Variants in EVC2 observed in about 807,000 individuals in gnomAD.
EVC2 encodes the protein EvC ciliary complex subunit 2.
Under a neutral mutation model 149.3 loss-of-function variants are expected in EVC2, and 148 were observed. The ratio of observed to expected loss-of-function variants is 0.99; its 90% CI spans 0.87 to 1.14. EVC2 has a LOEUF of 1.14. Ranked by LOEUF, EVC2 falls within the 50% of genes most tolerant of loss-of-function variation. EVC2 has a pLI of 0.00. For missense variants in EVC2, 1,854 were observed against 1,627.3 expected (o/e 1.14, Z -2.40); for synonymous variants, 776 against 649.9 (o/e 1.19, Z -2.95).
chr4:5,576,512 A>T lies in EVC2; in HGVS notation c.3058-58T>A. The T allele has an allele frequency of 6.5e-7, 1 of 1,538,886 alleles. No individual in the cohort carries two copies. Among genetic ancestry groups the T allele is most frequent in the South Asian group, 1.2e-5 (1 of 84,342 alleles). On this transcript the variant is annotated intron_variant, in intron 17 of 21. Coordinates refer to ENST00000344408, the MANE Select transcript of EVC2 (RefSeq NM_147127.5). This position sits in a 1 kb window ranked among gnomAD's most constrained non-coding sequence, Gnocchi z 4.5. ...CTGCACAAGGCGGGTGGGGTGGAGG[A>T]CAAAATCTGACCTCCTGGGTGTCTT...
At chr4:5,674,199 A>G (rs1252691399) in intron 7 of EVC2, among the ~76,000 whole-genome samples, 1 of 152,176 alleles carries the variant, frequency 6.6e-6, no homozygotes, top group Non-Finnish European at 1.5e-5. Flanking sequence ...CCAGCTGACA[A>G]TTGGGGCAAG....
chr4:5,643,410 C>G (rs909946162), intron 9 of EVC2, among the ~76,000 whole-genome samples: 1 of 152,158 alleles, frequency 6.6e-6, no homozygotes, highest in Non-Finnish European at 1.5e-5. Flanking sequence ...ACGTGCTGTT[C>G]TTTGTCCAAC....
At position 5,576,125 on chromosome 4, in the gene EVC2, C is replaced by G; in HGVS notation, c.3272+115G>C. Reference sequence around the variant, plus strand: ...TCGTGTTGGAGCAATGGGATGACACCTTAGGCAAGAGGGTGAGAGCCCAGG... The same window carrying G: ...TCGTGTTGGAGCAATGGGATGACACGTTAGGCAAGAGGGTGAGAGCCCAGG... On this transcript the variant is annotated intron_variant, in intron 18 of 21. Transcript: ENST00000344408. This position sits in a 1 kb window ranked among gnomAD's most constrained non-coding sequence, Gnocchi z 4.5. 1 of 1,568,714 alleles carries G rather than the reference C, an allele frequency of 6.4e-7. No homozygotes were observed. The highest frequency in any genetic ancestry group is 1.1e-5 in the South Asian group (1 of 88,808).
chr4:5,655,394 G>A (rs1158464685), intron 9 of EVC2, among the ~76,000 whole-genome samples: 1 of 152,148 alleles, frequency 6.6e-6, no homozygotes, highest in African/African-American at 2.4e-5. Context: ...CTGGAGTGAG[G>A]AGGGATTCAA....
Position 5,613,192 on chromosome 4 carries a change from G to A in EVC2, c.2829+2230C>T, listed in dbSNP as rs533650779. Reference sequence around the variant, plus strand: ...CTGGCCTTTGAGCAGGTTCCTCCACGGGGCTGCTCCCCCATCCACTGGCCA... The same window carrying A: ...CTGGCCTTTGAGCAGGTTCCTCCACAGGGCTGCTCCCCCATCCACTGGCCA... On this transcript the variant is annotated intron_variant, in intron 16 of 21. Coordinates refer to ENST00000344408, the MANE Select transcript of EVC2 (RefSeq NM_147127.5). The surrounding 1 kb of genome is among the most constrained non-coding windows in gnomAD (Gnocchi z 4.6). 9.9e-5 allele frequency among the ~76,000 whole-genome samples: 15 copies of A among 152,194 alleles called. No homozygotes were observed. Among genetic ancestry groups the A allele is most frequent in the East Asian group, 3.9e-4 (2 of 5,152 alleles).
chr4:5,606,748 G>T (rs1002820785), intron 16 of EVC2, among the ~76,000 whole-genome samples: 1 of 152,180 alleles, frequency 6.6e-6, no homozygotes, highest in Non-Finnish European at 1.5e-5. Flanking sequence ...AAAAAGAAAC[G>T]AGGTGTAAGA....
chr4:5,625,698 G>T lies in EVC2; in HGVS notation c.2046+51C>A. The T allele has an allele frequency of 6.2e-7, 1 of 1,607,170 alleles. No homozygotes were observed. The highest frequency in any genetic ancestry group is 8.5e-7 in the Non-Finnish European group (1 of 1,174,876). ...CTGGCACAGTACCTGGCACTTGATG[G>T]GTATCAGAAAGTGCCTATGCAAAGA... On this transcript the variant is annotated intron_variant, in intron 13 of 21. Coordinates refer to ENST00000344408, the MANE Select transcript of EVC2 (RefSeq NM_147127.5). The surrounding 1 kb of genome is among the most constrained non-coding windows in gnomAD (Gnocchi z 4.0).
intron 1 of EVC2, among the ~76,000 whole-genome samples, chr4:5,702,144 C>T (rs549032522): frequency 6.6e-6 from 1 of 152,286 alleles, no homozygotes; most frequent in African/African-American, 2.4e-5. Context: ...TGGCCAGAAA[C>T]AAGGCCTTGC....
At chr4:5,634,177 C>T (rs1716742113) in intron 10 of EVC2, among the ~76,000 whole-genome samples, 1 of 152,204 alleles carries the variant, frequency 6.6e-6, no homozygotes, top group African/African-American at 2.4e-5. Context: ...CACCAAATAA[C>T]AATTCAGTCT....
At chr4:5,545,698 C>A (rs1291662155) in intron 21 of EVC2, among the ~76,000 whole-genome samples, 1 of 152,144 alleles carries the variant, frequency 6.6e-6, no homozygotes, top group Non-Finnish European at 1.5e-5. Flanking sequence ...TTCTTATCAT[C>A]CCTTGCAAGT....
At chr4:5,590,635 T>C (rs937363670) in intron 16 of EVC2, among the ~76,000 whole-genome samples, 1 of 152,132 alleles carries the variant, frequency 6.6e-6, no homozygotes, top group Non-Finnish European at 1.5e-5. Context: ...CACAGAGTGG[T>C]TCAGGACAGT....
At chr4:5,620,637 G>A (rs1715620448) in intron 14 of EVC2, among the ~76,000 whole-genome samples, 1 of 152,158 alleles carries the variant, frequency 6.6e-6, no homozygotes, top group Admixed American at 6.6e-5. Context: ...CAAAGTATAT[G>A]AGCAGACTCA....
chr4:5,654,828 T>C (rs1560199628), intron 9 of EVC2, among the ~76,000 whole-genome samples: 1 of 152,076 alleles, frequency 6.6e-6, no homozygotes, highest in African/African-American at 2.4e-5. Flanking sequence ...GGGAACAGAG[T>C]GAGAAACATG....
chr4:5,673,938 A>T (rs756322782), intron 7 of EVC2, among the ~76,000 whole-genome samples: 6 of 152,248 alleles, frequency 3.9e-5, no homozygotes, highest in African/African-American at 7.2e-5. Flanking sequence ...TGGTAAGAAG[A>T]GGACATTTCT....
intron 8 of EVC2, 51 bp downstream of exon 8, chr4:5,665,464 A>G: frequency 6.2e-7 from 1 of 1,613,136 alleles, no homozygotes; most frequent in African/African-American, 1.3e-5. Context: ...TGGGGGATGA[A>G]CTTCAACCTC....
At chr4:5,674,565 T>C (rs958415656) in intron 7 of EVC2, among the ~76,000 whole-genome samples, 1 of 152,132 alleles carries the variant, frequency 6.6e-6, no homozygotes, top group African/African-American at 2.4e-5. Flanking sequence ...AGGGCACAAC[T>C]AGCTGGCCAG....
intron 10 of EVC2, among the ~76,000 whole-genome samples, chr4:5,635,169 T>G (rs1263007962): frequency 6.6e-6 from 1 of 151,376 alleles, no homozygotes; most frequent in Non-Finnish European, 1.5e-5. Context: ...CCCAAGCGGC[T>G]GGGATTACAG....
intron 9 of EVC2, among the ~76,000 whole-genome samples, chr4:5,643,826 C>T (rs1244229512): frequency 3.9e-5 from 6 of 152,018 alleles, no homozygotes; most frequent in African/African-American, 2.4e-5. Flanking sequence ...GTGGCTGAGG[C>T]GGAGGTTGCA....
intron 9 of EVC2, among the ~76,000 whole-genome samples, chr4:5,644,799 G>C (rs182333943): frequency 6.6e-6 from 1 of 152,170 alleles, no homozygotes; most frequent in East Asian, 1.9e-4. Context: ...TCTGTGACTG[G>C]CTTATTTCAC....
Sources: gnomAD v4.1 joint callset for allele counts (sites outside exome capture counted in the v4.1 genomes callset) on GRCh38, gnomAD v4.1.1 for gene constraint, Gnocchi (gnomAD v3.1) non-coding constraint, MANE v1.5 for transcripts, NCBI Gene and HGNC (gene_info 2026-07-23, HGNC 2026-07-21) for gene names.